WLS: variants seen among roughly 807,000 people sequenced by gnomAD.
The protein encoded by WLS is Wnt ligand secretion mediator.
A neutral mutation model predicts 62.8 loss-of-function variants in WLS; 23 were observed. That is an observed-to-expected ratio of 0.37 (90% CI 0.26 to 0.52). The LOEUF (loss-of-function observed/expected upper bound fraction) is 0.52. Ranked by LOEUF, WLS falls within the 20% of genes least tolerant of loss-of-function variation. The pLI is 0.92. For synonymous variants in WLS, 246 were observed against 244.1 expected, an observed-to-expected ratio of 1.01 and a Z score of -0.07; for missense variants, 615 against 697.3, an observed-to-expected ratio of 0.88 and a Z score of 1.33.
At chr1:68,227,657 C>T (rs574881705) in intron 1 of WLS, among the ~76,000 whole-genome samples, 25 of 152,014 alleles carry the variant, frequency 1.6e-4, no homozygotes, top group African/African-American at 4.6e-4. Flanking sequence ...TAGTAGTTAA[C>T]AAAGAGGAAA....
At chr1:68,116,337 C>T (rs930062069) in intron 11 of WLS, among the ~76,000 whole-genome samples, 7 of 152,218 alleles carry the variant, frequency 4.6e-5, no homozygotes, top group Admixed American at 3.9e-4. Context: ...AGGCCAGGCT[C>T]ACGGTCACAC....
intron 2 of WLS, among the ~76,000 whole-genome samples, chr1:68,172,150 T>G (rs9436799): frequency 3.3e-5 from 4 of 123,062 alleles, no homozygotes; most frequent in Admixed American, 8.7e-5. Flanking sequence ...ACATCACACC[T>G]GGGCCTGTTG....
intron 11 of WLS, among the ~76,000 whole-genome samples, chr1:68,102,190 C>T (rs965661109): frequency 3.9e-5 from 6 of 152,220 alleles, no homozygotes; most frequent in Non-Finnish European, 8.8e-5. Flanking sequence ...CTGCATTCTT[C>T]CCAGCCTGTA....
chr1:68,198,094 A>G (rs538419275), intron 1 of WLS, among the ~76,000 whole-genome samples: 14 of 152,302 alleles, frequency 9.2e-5, no homozygotes, highest in African/African-American at 3.4e-4. Flanking sequence ...CAGCTGCCTC[A>G]GCACACATTA....
At chr1:68,216,462 C>G (rs543181486) in intron 1 of WLS, among the ~76,000 whole-genome samples, 1 of 152,352 alleles carries the variant, frequency 6.6e-6, no homozygotes, top group South Asian at 2.1e-4. Flanking sequence ...GCAGATTTCA[C>G]AAACACACAA....
At chr1:68,131,138 CCT>C (rs1646516346) in intron 11 of WLS, among the ~76,000 whole-genome samples, 3 of 150,646 alleles carry the variant, frequency 2.0e-5, no homozygotes, top group Non-Finnish European at 4.4e-5. Flanking sequence ...GTCTCGATCT[CCT>C]GACCTTGTGA....
chr1:68,137,656 G>A (rs1045809615), intron 11 of WLS, 124 bp downstream of exon 11: 7 of 1,131,280 alleles, frequency 6.2e-6, no homozygotes, highest in Non-Finnish European at 8.6e-6. Flanking sequence ...CCGTCTCCCA[G>A]TGTGAGGAGT....
intron 2 of WLS, chr1:68,161,663 A>G (rs1307467568): frequency 1.0e-6 from 1 of 970,742 alleles, no homozygotes. Flanking sequence ...TCAGTTACAA[A>G]GACCATCATA....
chr1:68,220,824 G>A (rs1027262979), intron 1 of WLS, among the ~76,000 whole-genome samples: 1 of 152,228 alleles, frequency 6.6e-6, no homozygotes, highest in Non-Finnish European at 1.5e-5. Context: ...AGTGGGAAGA[G>A]TTAATGCCTT....
intron 3 of WLS, among the ~76,000 whole-genome samples, chr1:68,157,761 G>A (rs1325784562): frequency 6.6e-6 from 1 of 152,084 alleles, no homozygotes; most frequent in East Asian, 1.9e-4. Context: ...ACATCCTAAA[G>A]ATAATTAAGC....
intron 2 of WLS, among the ~76,000 whole-genome samples, chr1:68,183,790 GC>G (rs1647738325): frequency 6.6e-6 from 1 of 152,004 alleles, no homozygotes; most frequent in Non-Finnish European, 1.5e-5. Context: ...AGGACACTCA[GC>G]CATCTAACTT....
intron 11 of WLS, among the ~76,000 whole-genome samples, chr1:68,114,283 G>A (rs1646263403): frequency 6.6e-6 from 1 of 152,180 alleles, no homozygotes; most frequent in Admixed American, 6.5e-5. Flanking sequence ...TGGTTAACTT[G>A]TGGCATAAGG....
intron 6 of WLS, among the ~76,000 whole-genome samples, chr1:68,149,912 T>C (rs9970725): frequency 6.6e-6 from 1 of 152,350 alleles, no homozygotes; most frequent in South Asian, 2.1e-4. Flanking sequence ...TTAATTCTCA[T>C]GAAAACCCCA....
chr1:68,105,460 TGC>T (rs1490682830), intron 11 of WLS, among the ~76,000 whole-genome samples: 1 of 107,476 alleles, frequency 9.3e-6, no homozygotes, highest in Non-Finnish European at 2.2e-5. Flanking sequence ...ATAACCAAGG[TGC>T]CACCTCATTG....
intron 8 of WLS, among the ~76,000 whole-genome samples, chr1:68,147,759 T>C (rs146905429): frequency 6.6e-6 from 1 of 152,240 alleles, no homozygotes; most frequent in East Asian, 1.9e-4. Context: ...CACACATAGG[T>C]GGTTTCAGAA....
chr1:68,199,302 T>A (rs1169062561), intron 1 of WLS, among the ~76,000 whole-genome samples: 1 of 152,128 alleles, frequency 6.6e-6, no homozygotes, highest in Non-Finnish European at 1.5e-5. Context: ...CAGGCTAGTG[T>A]GGGAGGCTGA....
downstream of WLS, chr1:68,125,285 T>C: frequency 1.0e-6 from 1 of 972,138 alleles, no homozygotes; most frequent in Non-Finnish European, 1.2e-6. Flanking sequence ...GTATATCAGT[T>C]TTTCAGAAAC....
At chr1:68,188,559 T>C (rs1648105012) in intron 2 of WLS, among the ~76,000 whole-genome samples, 2 of 152,202 alleles carry the variant, frequency 1.3e-5, no homozygotes, top group South Asian at 4.1e-4. Context: ...AAAGACAGAT[T>C]ATATCCAGGA....
At chr1:68,228,248 T>C (rs748531689) in intron 1 of WLS, 14 of 445,240 alleles carry the variant, frequency 3.1e-5, no homozygotes, top group South Asian at 2.3e-4. Flanking sequence ...GTCTCATTTA[T>C]GGGTATGCTG....
Sources: allele counts gnomAD v4.1 joint callset (sites outside exome capture counted in the v4.1 genomes callset), GRCh38; gene constraint gnomAD v4.1.1; transcripts MANE v1.5; gene names NCBI Gene and HGNC (gene_info 2026-07-23, HGNC 2026-07-21).